COL6A5: variants seen among roughly 807,000 people sequenced by gnomAD.
COL6A5 encodes the protein collagen type VI alpha 5 chain, also known as collagen alpha-5(VI) chain.
COL6A5 carries 48 observed loss-of-function variants against 65.6 expected under a neutral mutation model. The observed-to-expected ratio is 0.73, with a 90% CI of 0.58 to 0.93. COL6A5 has a LOEUF of 0.93. Among genes scored for constraint, COL6A5 ranks in the 40% least tolerant of loss-of-function variants. The pLI, the probability that COL6A5 is intolerant of heterozygous loss-of-function variation, is 0.00. For synonymous variants in COL6A5, 291 were observed against 322.8 expected (o/e 0.90, Z 1.05); for missense variants, 914 against 928.3 (o/e 0.98, Z 0.20).
chr3:130,458,952 C>G (rs1709639636), intron 5 of COL6A5, among the ~76,000 whole-genome samples: 1 of 152,126 alleles, frequency 6.6e-6, no homozygotes, highest in Admixed American at 6.6e-5. Context: ...TAAATTTCAA[C>G]TATTGACCCA....
chr3:130,356,989 G>C (rs1467552854), intron 1 of COL6A5, among the ~76,000 whole-genome samples: 1 of 152,030 alleles, frequency 6.6e-6, no homozygotes, highest in Admixed American at 6.6e-5. Context: ...AATAAACACA[G>C]AAAATTGAGA....
chr3:130,405,983 T>A lies in COL6A5; in HGVS notation c.4354-10T>A. 1 of 1,551,296 alleles carries A rather than the reference T, an allele frequency of 6.4e-7. No individual in the cohort carries two copies. Among genetic ancestry groups the A allele is most frequent in the African/African-American group, 1.4e-5 (1 of 73,166 alleles). The stretch of plus-strand genomic sequence containing the variant: ...TGATTTGTCAGTGAGAGATATTTCA[T>A]CTTTTGCAGGGACTCAAAGGATTTT... On this transcript the variant is annotated splice_polypyrimidine_tract_variant and intron_variant and NMD_transcript_variant, in intron 14 of 41. Coordinates refer to the COL6A5 transcript ENST00000312481.
At chr3:130,483,809 T>C (rs1404010164) in intron 7 of COL6A5, among the ~76,000 whole-genome samples, 5 of 152,194 alleles carry the variant, frequency 3.3e-5, no homozygotes, top group Admixed American at 1.3e-4. Flanking sequence ...AAATCATTAA[T>C]GTACCAACAT....
chr3:130,397,541 C>A, intron 8 of COL6A5, 42 bp from the exon 9 acceptor site: 1 of 1,458,672 alleles, frequency 6.9e-7, no homozygotes, highest in Non-Finnish European at 9.3e-7. Context: ...TTCCTTACTC[C>A]TGTCTACTCG....
chr3:130,439,435 G>T, intron 1 of COL6A5, 87 bp from the exon 34 acceptor site: 1 of 843,184 alleles, frequency 1.2e-6, no homozygotes, highest in Non-Finnish European at 1.9e-6. Flanking sequence ...GATTAGTTGG[G>T]TGTTTTTTAA....
At chr3:130,404,463 G>C (rs116792224) in intron 13 of COL6A5, among the ~76,000 whole-genome samples, 234 of 152,238 alleles carry the variant, frequency 1.5e-3, no homozygotes, top group African/African-American at 4.1e-3. Context: ...CTAACTTCTT[G>C]ACCCTCAGTT....
intron 1 of COL6A5, among the ~76,000 whole-genome samples, chr3:130,362,850 T>C (rs190692087): frequency 5.9e-5 from 9 of 152,330 alleles, no homozygotes; most frequent in African/African-American, 9.6e-5. Context: ...TTACTCCTGC[T>C]TTCTTTTAAT....
At chr3:130,468,992 T>C (rs1430549754) in exon 6 of COL6A5, 1 of 1,612,860 alleles carries the variant, frequency 6.2e-7, no homozygotes, top group Non-Finnish European at 8.5e-7. Context: ...TCCACTGACC[T>C]CCACCTTAGG....
intron 1 of COL6A5, among the ~76,000 whole-genome samples, chr3:130,433,165 G>C (rs1937893492): frequency 6.6e-6 from 1 of 152,004 alleles, no homozygotes; most frequent in Non-Finnish European, 1.5e-5. Flanking sequence ...CTGACAAAAA[G>C]GATTGCAGGA....
At chr3:130,385,514 C>A in intron 5 of COL6A5, 150 bp downstream of exon 5, 1 of 824,084 alleles carries the variant, frequency 1.2e-6, no homozygotes. Flanking sequence ...TTCAGCCCCT[C>A]ACTTTTAAAC....
chr3:130,379,120 A>T (rs1935895291), intron 3 of COL6A5, among the ~76,000 whole-genome samples: 1 of 151,932 alleles, frequency 6.6e-6, no homozygotes, highest in South Asian at 2.1e-4. Context: ...GGTGGTGGTG[A>T]TCATACAAGT....
exon 3 of COL6A5, chr3:130,440,192 C>A: frequency 6.2e-7 from 1 of 1,612,000 alleles, no homozygotes; most frequent in South Asian, 1.1e-5. Flanking sequence ...TGCTTGCATT[C>A]GAGAGGCTTT....
At chr3:130,383,811 T>C (rs111283702) in intron 4 of COL6A5, among the ~76,000 whole-genome samples, 204 of 152,176 alleles carry the variant, frequency 1.3e-3, no homozygotes, top group Non-Finnish European at 1.0e-3. Context: ...AAAAATAGTT[T>C]TTCATAGATT....
exon 6 of COL6A5, chr3:130,469,415 C>G (rs753445274): frequency 6.2e-7 from 1 of 1,612,858 alleles, no homozygotes; most frequent in South Asian, 1.1e-5. Context: ...CCAACTTGGC[C>G]GAACCCACAA....
chr3:130,440,995 G>T (rs1022971483), intron 3 of COL6A5, among the ~76,000 whole-genome samples, 170 bp downstream of exon 35: 3 of 152,058 alleles, frequency 2.0e-5, no homozygotes, highest in Non-Finnish European at 2.9e-5. Flanking sequence ...TTTATATCCT[G>T]GTCACAAAAT....
intron 1 of COL6A5, among the ~76,000 whole-genome samples, chr3:130,438,577 G>A (rs1436346004): frequency 1.3e-5 from 2 of 152,136 alleles, no homozygotes; most frequent in East Asian, 3.9e-4. Flanking sequence ...GTAGTAAATA[G>A]TTTCTAAACA....
At chr3:130,407,208 G>C (rs1233506821) in intron 17 of COL6A5, among the ~76,000 whole-genome samples, 1 of 152,088 alleles carries the variant, frequency 6.6e-6, no homozygotes, top group Non-Finnish European at 1.5e-5. Flanking sequence ...AAACATGAGG[G>C]TTCAGGGCAC....
intron 23 of COL6A5, among the ~76,000 whole-genome samples, chr3:130,415,912 T>G (rs550042169): frequency 6.6e-6 from 1 of 152,294 alleles, no homozygotes; most frequent in African/African-American, 2.4e-5. Context: ...GGTTTTACTC[T>G]GAAAGCACAG....
At chr3:130,431,340 A>G, upstream of COL6A5, 2 of 1,044,386 alleles carry the variant, frequency 1.9e-6, no homozygotes, top group Non-Finnish European at 2.9e-6. Context: ...GGGTACCTTT[A>G]GTTCTAGAGC....
Sources: allele counts gnomAD v4.1 joint callset (sites outside exome capture counted in the v4.1 genomes callset), GRCh38; gene constraint gnomAD v4.1.1; transcripts MANE v1.5; gene names NCBI Gene and HGNC (gene_info 2026-07-23, HGNC 2026-07-21).